Variants in NRXN3 observed in about 807,000 individuals in gnomAD.
The protein encoded by NRXN3 is neurexin 3, also known as neurexin III.
A neutral mutation model predicts 137.6 loss-of-function variants in NRXN3; 32 were observed. The ratio of observed to expected loss-of-function variants is 0.23; its 90% CI spans 0.18 to 0.31. The LOEUF (loss-of-function observed/expected upper bound fraction) is 0.31, where lower values mean the gene tolerates loss of function less well. Ranked by LOEUF, NRXN3 falls within the 10% of genes least tolerant of loss-of-function variation. NRXN3 has a pLI of 1.00. For synonymous variants in NRXN3, 798 were observed against 784.5 expected (o/e 1.02, Z -0.29); for missense variants, 1,574 against 2,062.5 (o/e 0.76, Z 4.59).
chr14:78,536,134 A>G (rs1377992328), intron 4 of NRXN3, among the ~76,000 whole-genome samples: 3 of 152,080 alleles, frequency 2.0e-5, no homozygotes, highest in African/African-American at 4.8e-5. Flanking sequence ...TCAGGCATGC[A>G]TTTTTCTGCC....
chr14:78,608,405 C>T (rs10483908), intron 4 of NRXN3, among the ~76,000 whole-genome samples: 20,831 of 152,218 alleles, frequency 0.14, 1,990 homozygotes, highest in African/African-American at 0.27. Context: ...CCAAACATCA[C>T]TGTGTATTAA....
chr14:79,168,089 G>A (rs1171898767), intron 15 of NRXN3, among the ~76,000 whole-genome samples: 1 of 151,958 alleles, frequency 6.6e-6, no homozygotes. Context: ...GTGAGTCTCT[G>A]ACTGTAAGGT....
intron 8 of NRXN3, among the ~76,000 whole-genome samples, chr14:78,786,564 T>C (rs2153041476): frequency 6.6e-6 from 1 of 152,286 alleles, no homozygotes; most frequent in Admixed American, 6.5e-5. Flanking sequence ...TTTTATTTCA[T>C]GTCCTGTATG....
At position 79,505,601 on chromosome 14, in the gene NRXN3, A is replaced by G. The variant is rs989535125; in HGVS notation, c.3444+38199A>G. Among the ~76,000 whole-genome samples, 3 of 152,238 alleles carry G rather than the reference A, an allele frequency of 2.0e-5. No homozygotes were observed. The East Asian group carries it at 5.8e-4, about 29-fold the overall frequency. Reference sequence around the variant, plus strand: ...TTCCCAGGAATAAGAGGAAATGGTTATACTGGAGAACTAGATGTCTAATAT... The same window carrying G: ...TTCCCAGGAATAAGAGGAAATGGTTGTACTGGAGAACTAGATGTCTAATAT... On this transcript the variant is annotated intron_variant, in intron 16 of 20. Transcript: ENST00000335750.
intron 8 of NRXN3, among the ~76,000 whole-genome samples, chr14:78,785,248 T>C (rs557681900): frequency 3.9e-5 from 6 of 152,298 alleles, no homozygotes; most frequent in African/African-American, 1.2e-4. Context: ...AGACACACAC[T>C]TGATCATCTA....
intron 15 of NRXN3, among the ~76,000 whole-genome samples, chr14:79,175,702 G>T (rs1243704492): frequency 6.6e-6 from 1 of 152,192 alleles, no homozygotes; most frequent in Non-Finnish European, 1.5e-5. Flanking sequence ...GCTTCAGAGT[G>T]GGAAACAGTC....
intron 15 of NRXN3, among the ~76,000 whole-genome samples, chr14:79,360,602 C>T (rs760369197): frequency 4.6e-5 from 7 of 152,142 alleles, no homozygotes; most frequent in African/African-American, 1.7e-4. Flanking sequence ...TGCCTTAAGA[C>T]GTGGCCGAGC....
At chr14:78,577,162 G>A (rs2096944046) in intron 4 of NRXN3, among the ~76,000 whole-genome samples, 1 of 152,144 alleles carries the variant, frequency 6.6e-6, no homozygotes, top group Non-Finnish European at 1.5e-5. Context: ...TGAATATTCA[G>A]TAATCCATGT....
chr14:78,356,502 G>C (rs1383165880), intron 4 of NRXN3, among the ~76,000 whole-genome samples: 1 of 152,168 alleles, frequency 6.6e-6, no homozygotes, highest in Non-Finnish European at 1.5e-5. Flanking sequence ...TTCCACCTTT[G>C]AATTCTCTGC....
At chr14:78,257,389 G>A (rs1244418541) in intron 2 of NRXN3, among the ~76,000 whole-genome samples, 1 of 152,208 alleles carries the variant, frequency 6.6e-6, no homozygotes, top group Non-Finnish European at 1.5e-5. Flanking sequence ...AGCTTGTCAG[G>A]CAAAGAAGTA....
At chr14:79,279,932 G>C in intron 15 of NRXN3, 4 of 1,080,414 alleles carry the variant, frequency 3.7e-6, no homozygotes, top group Non-Finnish European at 4.5e-6. Context: ...GGAGTGTGCG[G>C]TTAAGTCATC....
intron 8 of NRXN3, among the ~76,000 whole-genome samples, chr14:78,777,750 C>T (rs1318095833): frequency 6.6e-6 from 1 of 151,966 alleles, no homozygotes; most frequent in African/African-American, 2.4e-5. Context: ...GAGATTTAGG[C>T]GGAAGGATTT....
intron 1 of NRXN3, among the ~76,000 whole-genome samples, chr14:78,187,678 T>C (rs1039594857): frequency 6.7e-6 from 1 of 149,204 alleles, no homozygotes. Flanking sequence ...GATTTTCTTT[T>C]CATTTTTCTC....
intron 16 of NRXN3, among the ~76,000 whole-genome samples, chr14:79,565,575 G>C (rs2097543867): frequency 6.6e-6 from 1 of 151,898 alleles, no homozygotes; most frequent in Admixed American, 6.6e-5. Context: ...TGCCTGCTAG[G>C]TATAGTCACT....
At chr14:78,363,169 G>A (rs1249665689) in intron 4 of NRXN3, among the ~76,000 whole-genome samples, 1 of 152,116 alleles carries the variant, frequency 6.6e-6, no homozygotes, top group African/African-American at 2.4e-5. Context: ...TTGTTGCTTT[G>A]TTTTCACTGC....
intron 15 of NRXN3, among the ~76,000 whole-genome samples, chr14:79,145,345 C>T (rs2059197847): frequency 6.6e-6 from 1 of 152,146 alleles, no homozygotes; most frequent in Non-Finnish European, 1.5e-5. Flanking sequence ...TATTGGAAGA[C>T]TTCAGACCTA....
rs181234866 is a variant in NRXN3, at chr14:79,455,004, A to G, written c.3263-12217A>G. Among the ~76,000 whole-genome samples, 258 of 152,322 alleles carry G rather than the reference A, an allele frequency of 1.7e-3. 2 individuals are homozygous for G. Among genetic ancestry groups the G allele is most frequent in the Non-Finnish European group, 2.8e-4 (19 of 68,028 alleles). On this transcript the variant is annotated intron_variant, in intron 15 of 20. Coordinates refer to ENST00000335750, the MANE Select transcript of NRXN3 (RefSeq NM_001330195.2). ...TTAAAGTGTTTTGTTTTTGTGTAGC[A>G]TATTTATTAGGTATTGGTATTAAGA...
chr14:78,773,412 A>C (rs112120069), intron 8 of NRXN3, among the ~76,000 whole-genome samples: 9,435 of 152,148 alleles, frequency 0.062, 422 homozygotes, highest in East Asian at 0.14. Flanking sequence ...GCCAGGCTGC[A>C]TGGAGCTGCC....
At chr14:79,754,130 T>C (rs1407816819) in intron 19 of NRXN3, among the ~76,000 whole-genome samples, 1 of 151,984 alleles carries the variant, frequency 6.6e-6, no homozygotes, top group Non-Finnish European at 1.5e-5. Flanking sequence ...AAGACCAGCC[T>C]GGCCAACATG....
Sources: gnomAD v4.1 joint callset for allele counts (sites outside exome capture counted in the v4.1 genomes callset) on GRCh38, gnomAD v4.1.1 for gene constraint, MANE v1.5 for transcripts, NCBI Gene and HGNC (gene_info 2026-07-23, HGNC 2026-07-21) for gene names.